The following RTTN variants were observed in gnomAD, a reference collection of about 807,000 sequenced individuals.
RTTN encodes rotatin.
A neutral mutation model predicts 269.2 loss-of-function variants in RTTN; 182 were observed. The observed-to-expected ratio is 0.68, with a 90% CI of 0.60 to 0.76. The LOEUF (loss-of-function observed/expected upper bound fraction) is 0.76. Ranked by LOEUF, RTTN falls within the 30% of genes least tolerant of loss-of-function variation. RTTN has a pLI of 0.00. For missense variants in RTTN, 2,545 were observed against 2,608.6 expected (o/e 0.98, Z 0.53); for synonymous variants, 1,006 against 963.5 (o/e 1.04, Z -0.82).
intron 26 of RTTN, among the ~76,000 whole-genome samples, chr18:70,118,476 C>A (rs2059653815): frequency 6.6e-6 from 1 of 152,044 alleles, no homozygotes; most frequent in African/African-American, 2.4e-5. Flanking sequence ...AAGCCCAAGA[C>A]CTGATTGATG....
chr18:70,143,672 TA>T (rs1372861643), intron 18 of RTTN, among the ~76,000 whole-genome samples: 1 of 151,884 alleles, frequency 6.6e-6, no homozygotes, highest in Non-Finnish European at 1.5e-5. Context: ...GGTGACGAAA[TA>T]ATCTGTACAA....
intron 40 of RTTN, among the ~76,000 whole-genome samples, chr18:70,035,306 C>G (rs1243853179): frequency 6.6e-6 from 1 of 152,180 alleles, no homozygotes; most frequent in African/African-American, 2.4e-5. Flanking sequence ...TACTTGACTT[C>G]AAACTATACT....
chr18:70,153,257 C>G (rs1463311869), intron 14 of RTTN, among the ~76,000 whole-genome samples: 1 of 151,630 alleles, frequency 6.6e-6, no homozygotes, highest in Non-Finnish European at 1.5e-5. Context: ...TATACATATT[C>G]TATACATATA....
rs73966817 is a variant in RTTN at position 70,170,432 on chromosome 18, G to A, written c.1477-1365C>T. On this transcript the variant is annotated intron_variant, in intron 11 of 48. Transcript: ENST00000640769. ...GAGAAGTAATGGGGAGTGGAGGCAGGGAACTGCTACTTCTCCAAAGTAGTA... is the reference window on the plus strand; with the variant it reads ...GAGAAGTAATGGGGAGTGGAGGCAGAGAACTGCTACTTCTCCAAAGTAGTA... 9.2e-3 allele frequency among the ~76,000 whole-genome samples: 1,396 copies of A among 152,318 alleles called. 26 individuals carry two copies. The highest frequency in any genetic ancestry group is 0.031 in the African/African-American group (1,301 of 41,578).
At chr18:70,092,083 A>G (rs2058862978) in intron 30 of RTTN, 27 bp downstream of exon 30, 6 of 1,460,150 alleles carry the variant, frequency 4.1e-6, no homozygotes, top group South Asian at 1.1e-5. Flanking sequence ...TCTAAACACA[A>G]TACACTTGAT....
intron 39 of RTTN, among the ~76,000 whole-genome samples, chr18:70,048,883 A>G (rs762382530): frequency 4.6e-5 from 7 of 152,276 alleles, no homozygotes; most frequent in Non-Finnish European, 8.8e-5. Context: ...ATAAACAAAA[A>G]TAAAACCATG....
intron 18 of RTTN, among the ~76,000 whole-genome samples, chr18:70,144,651 G>A (rs953914322): frequency 1.3e-5 from 2 of 152,174 alleles, no homozygotes; most frequent in African/African-American, 4.8e-5. Context: ...CAATGGCTTA[G>A]TACTCAGGGA....
chr18:70,013,437 A>G (rs1451794653), intron 46 of RTTN, among the ~76,000 whole-genome samples: 2 of 151,300 alleles, frequency 1.3e-5, no homozygotes, highest in Non-Finnish European at 2.9e-5. Flanking sequence ...GTGTGTGTGA[A>G]TTAATGTGGT....
At chr18:70,159,619 AC>A (rs546803253) in intron 14 of RTTN, among the ~76,000 whole-genome samples, 1 of 152,282 alleles carries the variant, frequency 6.6e-6, no homozygotes, top group Non-Finnish European at 1.5e-5. Flanking sequence ...AAAAATTCAC[AC>A]AAAAGATCGA....
chr18:70,110,686 C>T (rs1025443783), intron 27 of RTTN, among the ~76,000 whole-genome samples: 19 of 152,200 alleles, frequency 1.2e-4, no homozygotes, highest in South Asian at 8.3e-4. Context: ...ACCCCAGTGG[C>T]GCCTGGAACA....
At chr18:70,093,048 G>GA (rs2058894720) in intron 28 of RTTN, among the ~76,000 whole-genome samples, 1 of 152,074 alleles carries the variant, frequency 6.6e-6, no homozygotes, top group South Asian at 2.1e-4. Context: ...CTTTAAAAAA[G>GA]AAAAAAATTA....
chr18:70,020,860 T>C, intron 44 of RTTN, 43 bp from the exon 45 acceptor site: 1 of 1,542,478 alleles, frequency 6.5e-7, no homozygotes, highest in Non-Finnish European at 8.8e-7. Context: ...TCAGTTTCCC[T>C]GTTTAGTTTT....
In RTTN at chr18:70,199,520, C is replaced by T. The variant is rs750605217; in HGVS notation, c.488-16G>A. The T allele has an allele frequency of 1.5e-5, 23 of 1,521,976 alleles. No homozygotes were observed. The highest frequency in any genetic ancestry group is 2.0e-5 in the Non-Finnish European group (22 of 1,097,410). The allele number at this position is 1,521,976 out of a possible 1,614,324, so 94.3% of individuals were successfully genotyped here. A position where few individuals can be genotyped will look rare whatever the true frequency, so the allele number is the denominator to read the frequency against. Reference sequence around the variant, plus strand: ...GTCTGATTTACTGTCAGTGAAAGAGCAAATCTTATGGTATCAAAGAATAAA... The same window carrying T: ...GTCTGATTTACTGTCAGTGAAAGAGTAAATCTTATGGTATCAAAGAATAAA... On this transcript the variant is annotated splice_polypyrimidine_tract_variant and intron_variant, in intron 4 of 48. Transcript: ENST00000640769.
At chr18:70,130,426 C>T (rs2059969469) in intron 23 of RTTN, 1 of 151,884 alleles carries the variant, frequency 6.6e-6, no homozygotes, top group African/African-American at 2.4e-5. Flanking sequence ...GGTATAAATA[C>T]ACAATGGAGT....
intron 39 of RTTN, among the ~76,000 whole-genome samples, chr18:70,049,592 T>TA (rs896475917): frequency 5.9e-5 from 9 of 152,070 alleles, no homozygotes; most frequent in African/African-American, 9.6e-5. Flanking sequence ...AAATAAATGT[T>TA]AAAAAAAATC....
intron 19 of RTTN, among the ~76,000 whole-genome samples, chr18:70,140,689 CTATA>C (rs371486842): frequency 0.012 from 1,877 of 152,062 alleles, 23 homozygotes; most frequent in South Asian, 0.038. Flanking sequence ...TTATAATACA[CTATA>C]TATTTCTGGA....
chr18:70,196,681 G>C (rs1210182963), intron 6 of RTTN, 33 bp from the exon 7 acceptor site: 2 of 1,598,082 alleles, frequency 1.3e-6, no homozygotes, highest in Non-Finnish European at 1.7e-6. Context: ...AAATTACTAA[G>C]GGAACAAAGA....
At chr18:70,031,827 T>C (rs1230284848) in intron 40 of RTTN, among the ~76,000 whole-genome samples, 1 of 151,712 alleles carries the variant, frequency 6.6e-6, no homozygotes, top group Non-Finnish European at 1.5e-5. Flanking sequence ...AACACAGAGC[T>C]GGGGCTGAAG....
At position 70,153,414 on chromosome 18, in the gene RTTN, T is replaced by C. The variant is rs190277607; in HGVS notation, c.1930-2681A>G. On this transcript the variant is annotated intron_variant, in intron 14 of 48. Transcript: ENST00000640769. ...TAAGCTCTCTGATAAGGCTCTTTTCTGTACTTTATATCACTACAGTCTAGC... is the reference window on the plus strand; with the variant it reads ...TAAGCTCTCTGATAAGGCTCTTTTCCGTACTTTATATCACTACAGTCTAGC... 4.6e-5 allele frequency among the ~76,000 whole-genome samples: 7 copies of C among 152,308 alleles called. No homozygotes were observed. The East Asian group carries it at 1.2e-3, about 25-fold the overall frequency.
Sources: allele counts gnomAD v4.1 joint callset (sites outside exome capture counted in the v4.1 genomes callset), GRCh38; gene constraint gnomAD v4.1.1; transcripts MANE v1.5; gene names NCBI Gene and HGNC (gene_info 2026-07-23, HGNC 2026-07-21).